The following SEMA4D variants were observed in gnomAD, a reference collection of about 807,000 sequenced individuals.
The protein encoded by SEMA4D is semaphorin-4D.
A neutral mutation model predicts 74.8 loss-of-function variants in SEMA4D; 22 were observed. The ratio of observed to expected loss-of-function variants is 0.29; its 90% confidence interval spans 0.21 to 0.42. The LOEUF (loss-of-function observed/expected upper bound fraction) is 0.42. Ranked by LOEUF, SEMA4D falls within the 10% of genes least tolerant of loss-of-function variation. SEMA4D has a pLI of 1.00. For synonymous variants in SEMA4D, 445 were observed against 463.7 expected, an observed-to-expected ratio of 0.96 and a Z score of 0.52; for missense variants, 937 against 1,118.4, an observed-to-expected ratio of 0.84 and a Z score of 2.31.
intron 16 of SEMA4D, among the ~76,000 whole-genome samples, chr9:89,372,022 G>GGT (rs1564502128): frequency 2.1e-5 from 1 of 47,330 alleles, no homozygotes. Flanking sequence ...GTGTGTCTGG[G>GGT]GTGTGGTGTG....
intron 1 of SEMA4D, among the ~76,000 whole-genome samples, chr9:89,467,912 G>T (rs1296879207): frequency 6.6e-6 from 1 of 152,210 alleles, no homozygotes; most frequent in Admixed American, 6.5e-5. Context: ...ACAGCCTCAG[G>T]CTTGGAGAGC....
intron 4 of SEMA4D, among the ~76,000 whole-genome samples, chr9:89,401,882 G>A (rs752606216): frequency 7.2e-5 from 11 of 152,224 alleles, no homozygotes; most frequent in Non-Finnish European, 1.2e-4. Flanking sequence ...AGAACATTGC[G>A]TTTTGCAATC....
At chr9:89,418,890 T>G (rs936041802) in intron 2 of SEMA4D, 2 of 152,218 alleles carry the variant, frequency 1.3e-5, no homozygotes, top group African/African-American at 4.8e-5. Flanking sequence ...GTTTCTTTTT[T>G]GTTTGCCTTT....
At chr9:89,399,798 G>A (rs549702885) in intron 4 of SEMA4D, among the ~76,000 whole-genome samples, 2 of 152,144 alleles carry the variant, frequency 1.3e-5, no homozygotes, top group African/African-American at 4.8e-5. Flanking sequence ...AGGAGTTCCA[G>A]ACCAGCCTGG....
intron 1 of SEMA4D, among the ~76,000 whole-genome samples, chr9:89,478,651 T>C (rs1862362748): frequency 6.6e-6 from 1 of 152,094 alleles, no homozygotes; most frequent in African/African-American, 2.4e-5. Flanking sequence ...ACTATGAAAA[T>C]GTGCGGAATG....
At position 89,450,410 on chromosome 9, in the gene SEMA4D, A is replaced by G. The variant is rs530056369; in HGVS notation, c.-244+5478T>C. Reference sequence around the variant, plus strand: ...TGCCATTTACTTCAAGAGCATGTGAAGATGAGAAGAAGGCTTGGATGGGTG... The same window carrying G: ...TGCCATTTACTTCAAGAGCATGTGAGGATGAGAAGAAGGCTTGGATGGGTG... On this transcript the variant is annotated intron_variant, in intron 2 of 15. Transcript: ENST00000422704. 2.9e-5 allele frequency: 36 copies of G among 1,251,262 alleles called. No individual in the cohort carries two copies. The African/African-American group carries it at 3.5e-4, about 12-fold the overall frequency. The allele number at this position is 1,251,262 out of a possible 1,614,324, so 77.5% of individuals were successfully genotyped here. A position where few individuals can be genotyped will look rare whatever the true frequency, so the allele number is the denominator to read the frequency against.
At chr9:89,429,138 C>G (rs1848713496) in intron 2 of SEMA4D, among the ~76,000 whole-genome samples, 2 of 152,190 alleles carry the variant, frequency 1.3e-5, no homozygotes, top group South Asian at 4.1e-4. Flanking sequence ...GCAGCCTGGG[C>G]ATGGGCACTG....
rs562691894 is a variant in SEMA4D, at chr9:89,419,831, C to T, written c.-243-14132G>A. Among the ~76,000 whole-genome samples the T allele has an allele frequency of 1.6e-4, 24 of 152,176 alleles. No individual in the cohort carries two copies. The East Asian group carries it at 4.1e-3, about 26-fold the overall frequency. Reference sequence around the variant, plus strand: ...ACTTGGGAGGCTGAGGCAGGAGAATCGCTTGAACTCAGGAGGTGGAGGTTG... The same window carrying T: ...ACTTGGGAGGCTGAGGCAGGAGAATTGCTTGAACTCAGGAGGTGGAGGTTG... On this transcript the variant is annotated intron_variant, in intron 2 of 15. Coordinates refer to ENST00000422704, the MANE Select transcript of SEMA4D (RefSeq NM_001371194.2).
intron 2 of SEMA4D, among the ~76,000 whole-genome samples, chr9:89,427,289 C>T (rs951336110): frequency 6.6e-6 from 1 of 152,172 alleles, no homozygotes; most frequent in African/African-American, 2.4e-5. Flanking sequence ...TAAAATGATA[C>T]AGTCAGTCAC....
intron 1 of SEMA4D, among the ~76,000 whole-genome samples, chr9:89,480,321 G>A (rs534069936): frequency 8.5e-5 from 13 of 152,390 alleles, no homozygotes; most frequent in Admixed American, 7.8e-4. Flanking sequence ...GACTCTCCAC[G>A]TCCCCACCAG....
At chr9:89,431,952 A>T (rs142991353) in intron 2 of SEMA4D, among the ~76,000 whole-genome samples, 1 of 152,162 alleles carries the variant, frequency 6.6e-6, no homozygotes, top group Admixed American at 6.5e-5. Flanking sequence ...GCTCTGGTTC[A>T]TCTATGCTAT....
chr9:89,473,777 C>A (rs1408791183), intron 1 of SEMA4D, among the ~76,000 whole-genome samples: 2 of 146,694 alleles, frequency 1.4e-5, no homozygotes, highest in African/African-American at 4.9e-5. Context: ...ATCGCTTGAA[C>A]CTTGGAAGCA....
At chr9:89,461,816 C>T (rs1857336385) in intron 1 of SEMA4D, among the ~76,000 whole-genome samples, 1 of 149,540 alleles carries the variant, frequency 6.7e-6, no homozygotes, top group Non-Finnish European at 1.5e-5. Context: ...GATTCTCCTG[C>T]CTCAGCCTCC....
At chr9:89,418,797 T>C (rs1475459254) in intron 2 of SEMA4D, 1 of 152,066 alleles carries the variant, frequency 6.6e-6, no homozygotes, top group Non-Finnish European at 1.5e-5. Flanking sequence ...CCGACGCTGA[T>C]CCCTCCATGA....
chr9:89,463,036 T>A (rs1030538248), intron 1 of SEMA4D, among the ~76,000 whole-genome samples: 11 of 118,350 alleles, frequency 9.3e-5, no homozygotes, highest in Non-Finnish European at 1.8e-4. Context: ...AACAAAAGGG[T>A]CTGTACTCTG....
chr9:89,383,155 T>TAAA (rs1837577194), intron 13 of SEMA4D, among the ~76,000 whole-genome samples: 4 of 152,234 alleles, frequency 2.6e-5, no homozygotes, highest in Middle Eastern at 3.4e-3. Flanking sequence ...TCGATGTGGA[T>TAAA]GTCAGTGGGT....
intron 1 of SEMA4D, among the ~76,000 whole-genome samples, chr9:89,458,680 G>C (rs557283625): frequency 1.7e-3 from 261 of 151,670 alleles, no homozygotes; most frequent in African/African-American, 5.2e-3. Flanking sequence ...AACCTACAGA[G>C]ACACACATAC....
At chr9:89,449,466 G>A in intron 2 of SEMA4D, 1 of 684,934 alleles carries the variant, frequency 1.5e-6, no homozygotes, top group Non-Finnish European at 2.7e-6. Flanking sequence ...TCTCCTCGAG[G>A]ATCGAGGGAG....
At chr9:89,390,912 C>T (rs1017284777) in intron 9 of SEMA4D, among the ~76,000 whole-genome samples, 1 of 152,224 alleles carries the variant, frequency 6.6e-6, no homozygotes, top group Non-Finnish European at 1.5e-5. Flanking sequence ...CTTAAGCTGT[C>T]GGTTAATGTT....
Sources: gnomAD v4.1 joint callset for allele counts (sites outside exome capture counted in the v4.1 genomes callset) on GRCh38, gnomAD v4.1.1 for gene constraint, MANE v1.5 for transcripts, NCBI Gene and HGNC (gene_info 2026-07-23, HGNC 2026-07-21) for gene names.